The following TENM4 variants were observed in gnomAD, a reference collection of about 807,000 sequenced individuals.
The protein encoded by TENM4 is teneurin transmembrane protein 4, also known as teneurin-4.
A neutral mutation model predicts 243.3 loss-of-function variants in TENM4; 82 were observed. The ratio of observed to expected loss-of-function variants is 0.34; its 90% CI spans 0.28 to 0.40. The LOEUF is 0.40. Ranked by LOEUF, TENM4 falls within the 10% of genes least tolerant of loss-of-function variation. The probability of loss-of-function intolerance (pLI) is 1.00; values close to 1 mark genes in which losing one functional copy is unlikely to be tolerated. For synonymous variants in TENM4, 1,412 were observed against 1,456.3 expected, an observed-to-expected ratio of 0.97 and a Z score of 0.69; for missense variants, 3,138 against 3,673.3, an observed-to-expected ratio of 0.85 and a Z score of 3.77.
intron 22 of TENM4, 129 bp from the exon 23 acceptor site, chr11:78,726,351 A>G: frequency 8.7e-7 from 1 of 1,145,708 alleles, no homozygotes; most frequent in South Asian, 1.9e-5. Flanking sequence ...TCTAAGTGGC[A>G]ACCAGAACGA....
chr11:78,699,604 C>T (rs1859055936), intron 28 of TENM4, among the ~76,000 whole-genome samples: 1 of 152,234 alleles, frequency 6.6e-6, no homozygotes, highest in South Asian at 2.1e-4. Context: ...TTGGGTACCG[C>T]TATGAAGTGC....
chr11:79,436,881 G>A (rs1464332068), intron 1 of TENM4, among the ~76,000 whole-genome samples: 1 of 152,166 alleles, frequency 6.6e-6, no homozygotes, highest in Non-Finnish European at 1.5e-5. Context: ...AATTCCACAA[G>A]CCTTCCGCAC....
intron 6 of TENM4, among the ~76,000 whole-genome samples, chr11:78,940,203 A>C (rs7127304): frequency 0.019 from 2,877 of 152,306 alleles, 86 homozygotes; most frequent in African/African-American, 0.066. Flanking sequence ...TCTCCACTTA[A>C]CATTATACTA....
chr11:79,165,992 G>A (rs953152764), intron 3 of TENM4, among the ~76,000 whole-genome samples: 3 of 152,086 alleles, frequency 2.0e-5, no homozygotes, highest in African/African-American at 7.2e-5. Flanking sequence ...TGTTCCATTG[G>A]TCTATATGAG....
At chr11:78,899,568 G>GT (rs1408120034) in intron 7 of TENM4, among the ~76,000 whole-genome samples, 1 of 129,272 alleles carries the variant, frequency 7.7e-6, no homozygotes, top group African/African-American at 2.8e-5. Flanking sequence ...GCGGGGGGGG[G>GT]GGGAAAAAGA....
chr11:79,343,974 C>G (rs1384519109), intron 1 of TENM4, among the ~76,000 whole-genome samples: 1 of 152,204 alleles, frequency 6.6e-6, no homozygotes, highest in African/African-American at 2.4e-5. Context: ...TACTTCCCAG[C>G]TGCATTCACA....
At chr11:79,358,994 T>C in intron 1 of TENM4, among the ~76,000 whole-genome samples, 1 of 150,946 alleles carries the variant, frequency 6.6e-6, no homozygotes, top group Non-Finnish European at 1.5e-5. Context: ...TGGCTAGGCA[T>C]GGTGGCTCAT....
intron 4 of TENM4, among the ~76,000 whole-genome samples, chr11:79,120,200 T>C (rs1861712635): frequency 1.3e-5 from 2 of 152,190 alleles, no homozygotes; most frequent in African/African-American, 4.8e-5. Context: ...AATGACCTTA[T>C]AAACCAACAG....
At chr11:78,995,693 C>CA in intron 6 of TENM4, among the ~76,000 whole-genome samples, 1 of 140,716 alleles carries the variant, frequency 7.1e-6, no homozygotes. Flanking sequence ...AACATCACTG[C>CA]TTTTTTTTTT....
chr11:78,999,024 T>G (rs534818957), intron 6 of TENM4, among the ~76,000 whole-genome samples: 1 of 152,208 alleles, frequency 6.6e-6, no homozygotes, highest in African/African-American at 2.4e-5. Flanking sequence ...CACATCTCCA[T>G]TGGCAGAACA....
At chr11:78,952,052 G>T (rs759691890) in intron 6 of TENM4, among the ~76,000 whole-genome samples, 1 of 152,092 alleles carries the variant, frequency 6.6e-6, no homozygotes, top group Non-Finnish European at 1.5e-5. Flanking sequence ...GCTGCTTCAG[G>T]GCAAACTGTT....
At chr11:78,764,721 C>T (rs896864879) in intron 18 of TENM4, among the ~76,000 whole-genome samples, 1 of 152,134 alleles carries the variant, frequency 6.6e-6, no homozygotes, top group East Asian at 1.9e-4. Flanking sequence ...CTGTGTTAGG[C>T]ACTGGATGCT....
chr11:79,355,638 T>C (rs1857484699), intron 1 of TENM4, among the ~76,000 whole-genome samples: 1 of 108,692 alleles, frequency 9.2e-6, no homozygotes, highest in Non-Finnish European at 2.0e-5. Context: ...AACTGTTCAC[T>C]GGAATAAAGT....
intron 6 of TENM4, among the ~76,000 whole-genome samples, chr11:78,943,557 T>C (rs1856948204): frequency 6.6e-6 from 1 of 152,222 alleles, no homozygotes; most frequent in Non-Finnish European, 1.5e-5. Flanking sequence ...ACATACATCA[T>C]TTAATTGCCT....
chr11:79,005,479 T>A (rs939472565), intron 6 of TENM4, among the ~76,000 whole-genome samples: 2 of 152,082 alleles, frequency 1.3e-5, no homozygotes, highest in East Asian at 1.9e-4. Flanking sequence ...ATTCATCACA[T>A]AAACAAAACT....
intron 6 of TENM4, among the ~76,000 whole-genome samples, chr11:78,984,131 G>A (rs1857866096): frequency 6.6e-6 from 1 of 152,126 alleles, no homozygotes; most frequent in African/African-American, 2.4e-5. Flanking sequence ...GAAGGTTTAA[G>A]TTCAAACCCC....
intron 6 of TENM4, among the ~76,000 whole-genome samples, chr11:78,941,019 G>A (rs1174138979): frequency 1.3e-5 from 2 of 152,182 alleles, no homozygotes; most frequent in African/African-American, 4.8e-5. Flanking sequence ...AAGTGAAAGA[G>A]TGAACAAACA....
chr11:78,941,296 T>A (rs1158618702), intron 6 of TENM4, among the ~76,000 whole-genome samples: 1 of 152,162 alleles, frequency 6.6e-6, no homozygotes, highest in African/African-American at 2.4e-5. Flanking sequence ...TAAAAGCACT[T>A]AGCACCTTAC....
At chr11:79,358,793 CCT>C (rs1376741045) in intron 1 of TENM4, among the ~76,000 whole-genome samples, 4 of 150,760 alleles carry the variant, frequency 2.7e-5, no homozygotes, top group African/African-American at 9.8e-5. Context: ...TTCTTAGCTT[CCT>C]CTCTCCCTCC....
Sources: allele counts gnomAD v4.1 joint callset (sites outside exome capture counted in the v4.1 genomes callset), GRCh38; gene constraint gnomAD v4.1.1; transcripts MANE v1.5; gene names NCBI Gene and HGNC (gene_info 2026-07-23, HGNC 2026-07-21).